CPA6: variants seen among roughly 807,000 people sequenced by gnomAD.
The protein encoded by CPA6 is carboxypeptidase A6.
In CPA6, 58 loss-of-function variants were observed where a neutral mutation model predicts 63.3. The ratio of observed to expected loss-of-function variants is 0.92; its 90% CI spans 0.74 to 1.14. CPA6 has a LOEUF of 1.14. CPA6 is among the 50% of genes most tolerant of loss of function. CPA6 has a pLI of 0.00. For synonymous variants in CPA6, 185 were observed against 179.0 expected (o/e 1.03, Z -0.27); for missense variants, 565 against 526.6 (o/e 1.07, Z -0.71).
chr8:67,494,433 T>C (rs545621583), intron 6 of CPA6, among the ~76,000 whole-genome samples: 8 of 152,250 alleles, frequency 5.3e-5, no homozygotes, highest in Middle Eastern at 3.4e-3. Context: ...CCCAGCGATG[T>C]AGAATTATTT....
chr8:67,634,233 T>TG (rs1815415795), intron 1 of CPA6, among the ~76,000 whole-genome samples: 2 of 147,410 alleles, frequency 1.4e-5, no homozygotes, highest in African/African-American at 5.1e-5. Context: ...ATTTGTTTTT[T>TG]TTTTGAGACG....
chr8:67,436,939 A>C (rs548795910), intron 8 of CPA6, among the ~76,000 whole-genome samples: 3 of 152,332 alleles, frequency 2.0e-5, no homozygotes, highest in Non-Finnish European at 4.4e-5. Flanking sequence ...CAGCCCAGTC[A>C]AATTGGGCTA....
chr8:67,541,722 T>C (rs910659626), intron 2 of CPA6, among the ~76,000 whole-genome samples: 5 of 152,188 alleles, frequency 3.3e-5, no homozygotes, highest in African/African-American at 1.2e-4. Context: ...AATGGCACGA[T>C]CCCTCAGGGC....
At position 67,422,704 on chromosome 8, in the gene CPA6, AC is replaced by A. The variant is rs1809794387; in HGVS notation, c.1127-14del. On this transcript the variant is annotated splice_polypyrimidine_tract_variant and intron_variant, in intron 10 of 10. Transcript: ENST00000297770. ...CCAGAGCTCACATCTAAAAGTTAAA[AC>A]AAAAAAAAAAAGATCAGCCTCACTA... The A allele has an allele frequency of 1.9e-6, 3 of 1,590,162 alleles. No homozygotes were observed. The highest frequency in any genetic ancestry group is 2.3e-5 in the South Asian group (2 of 87,808).
At chr8:67,583,377 G>A (rs1813827719) in intron 2 of CPA6, among the ~76,000 whole-genome samples, 1 of 152,164 alleles carries the variant, frequency 6.6e-6, no homozygotes, top group Non-Finnish European at 1.5e-5. Flanking sequence ...TACCATAATG[G>A]AGGGTGAAAT....
At chr8:67,595,945 T>C (rs923220172) in intron 2 of CPA6, among the ~76,000 whole-genome samples, 2 of 152,172 alleles carry the variant, frequency 1.3e-5, no homozygotes, top group Non-Finnish European at 2.9e-5. Context: ...GTACCTCAGA[T>C]GGAAATGCAG....
At chr8:67,716,151 C>CAAAAAAAAA (rs56275918) in intron 1 of CPA6, among the ~76,000 whole-genome samples, 1 of 76,548 alleles carries the variant, frequency 1.3e-5, no homozygotes, top group African/African-American at 6.7e-5. Flanking sequence ...GAGCTTGTCT[C>CAAAAAAAAA]AAAAAAAAAA....
chr8:67,546,196 T>C (rs185273451), intron 2 of CPA6, among the ~76,000 whole-genome samples: 6 of 152,312 alleles, frequency 3.9e-5, no homozygotes, highest in Admixed American at 3.3e-4. Flanking sequence ...CAATTATGAT[T>C]ACAAAAATAT....
intron 8 of CPA6, among the ~76,000 whole-genome samples, chr8:67,447,035 CACAT>C (rs1427239134): frequency 7.9e-6 from 1 of 126,752 alleles, no homozygotes; most frequent in African/African-American, 3.9e-5. Flanking sequence ...TATATATACA[CACAT>C]ATATATATAC....
At chr8:67,554,602 C>G (rs114110325) in intron 2 of CPA6, among the ~76,000 whole-genome samples, 3 of 152,142 alleles carry the variant, frequency 2.0e-5, no homozygotes, top group Non-Finnish European at 4.4e-5. Flanking sequence ...GCTGGAGAAC[C>G]AGGAAAGCCC....
intron 1 of CPA6, among the ~76,000 whole-genome samples, chr8:67,698,875 G>A (rs1816962368): frequency 6.6e-6 from 1 of 152,142 alleles, no homozygotes; most frequent in Non-Finnish European, 1.5e-5. Flanking sequence ...TTACTATTCT[G>A]AGTCTAGTTC....
chr8:67,527,690 A>C (rs148638906), intron 2 of CPA6, among the ~76,000 whole-genome samples: 104 of 152,342 alleles, frequency 6.8e-4, no homozygotes, highest in African/African-American at 2.5e-3. Flanking sequence ...GCTCTCAATA[A>C]TATAGCCCAA....
At chr8:67,597,443 C>T (rs144993974) in intron 2 of CPA6, among the ~76,000 whole-genome samples, 520 of 152,274 alleles carry the variant, frequency 3.4e-3, no homozygotes, top group African/African-American at 0.011. Context: ...ATCTGCCTGC[C>T]TCGGCCTCCT....
intron 8 of CPA6, among the ~76,000 whole-genome samples, chr8:67,470,721 T>A (rs1335092161): frequency 3.3e-5 from 5 of 152,202 alleles, no homozygotes; most frequent in African/African-American, 1.2e-4. Flanking sequence ...CATGGTTGCT[T>A]ATCTCCATTT....
intron 1 of CPA6, among the ~76,000 whole-genome samples, chr8:67,728,385 G>A (rs981440329): frequency 2.0e-5 from 3 of 152,210 alleles, no homozygotes; most frequent in Middle Eastern, 3.4e-3. Flanking sequence ...AACCTTCAGA[G>A]GGGGAGTGAG....
chr8:67,678,261 AC>A, intron 1 of CPA6, among the ~76,000 whole-genome samples: 1 of 152,010 alleles, frequency 6.6e-6, no homozygotes. Context: ...ACACACACAC[AC>A]AAACCCTGAT....
At chr8:67,485,447 T>C (rs1177461248) in intron 6 of CPA6, among the ~76,000 whole-genome samples, 1 of 152,190 alleles carries the variant, frequency 6.6e-6, no homozygotes, top group Non-Finnish European at 1.5e-5. Flanking sequence ...ATGAGAACAA[T>C]GTATGATATT....
At chr8:67,734,257 GGT>G (rs926783365) in intron 1 of CPA6, among the ~76,000 whole-genome samples, 1 of 151,362 alleles carries the variant, frequency 6.6e-6, no homozygotes, top group Non-Finnish European at 1.5e-5. Context: ...AGAGGGTACA[GGT>G]GTGTGTGTGG....
At chr8:67,518,584 G>A (rs1812198403) in intron 2 of CPA6, among the ~76,000 whole-genome samples, 1 of 145,538 alleles carries the variant, frequency 6.9e-6, no homozygotes, top group Non-Finnish European at 1.5e-5. Context: ...TCAGTTCCCT[G>A]CAATCTCTGC....
Sources: gnomAD v4.1 joint callset for allele counts (sites outside exome capture counted in the v4.1 genomes callset) on GRCh38, gnomAD v4.1.1 for gene constraint, MANE v1.5 for transcripts, NCBI Gene and HGNC (gene_info 2026-07-23, HGNC 2026-07-21) for gene names.